Variants in AFF4 observed in about 807,000 individuals in gnomAD.
The protein encoded by AFF4 is AF4/FMR2 family member 4.
Under a neutral mutation model 124.8 loss-of-function variants are expected in AFF4, and 13 were observed. That is an observed-to-expected ratio of 0.10 (90% CI 0.07 to 0.17). The LOEUF (loss-of-function observed/expected upper bound fraction) is 0.17, where lower values mean the gene tolerates loss of function less well. Among genes scored for constraint, AFF4 ranks in the 10% least tolerant of loss-of-function variants. The pLI, the probability that AFF4 is intolerant of heterozygous loss-of-function variation, is 1.00. For synonymous variants in AFF4, 477 were observed against 496.1 expected (o/e 0.96, Z 0.51); for missense variants, 1,092 against 1,403.8 (o/e 0.78, Z 3.55).
chr5:132,891,234 A>G (rs1010124572), intron 13 of AFF4, among the ~76,000 whole-genome samples: 1 of 152,108 alleles, frequency 6.6e-6, no homozygotes, highest in Admixed American at 6.6e-5. Context: ...TTGTTCAGCT[A>G]GAGAAAAAGC....
intron 1 of AFF4, among the ~76,000 whole-genome samples, chr5:132,950,567 T>C (rs569537324): frequency 2.8e-4 from 43 of 152,104 alleles, no homozygotes; most frequent in African/African-American, 5.1e-4. Context: ...GACAATCGCT[T>C]GAACCCAGGA....
At chr5:132,934,088 A>T in intron 3 of AFF4, 59 bp downstream of exon 3, 2 of 1,517,006 alleles carry the variant, frequency 1.3e-6, no homozygotes, top group Non-Finnish European at 1.8e-6. Flanking sequence ...TCGTAATTTC[A>T]TGATCAGTCA....
chr5:132,933,019 C>T (rs1165918662), intron 3 of AFF4, among the ~76,000 whole-genome samples: 1 of 152,234 alleles, frequency 6.6e-6, no homozygotes, highest in Non-Finnish European at 1.5e-5. Context: ...ATTCTTCCTT[C>T]CACCATTTTG....
intron 4 of AFF4, among the ~76,000 whole-genome samples, chr5:132,928,829 A>G (rs2150094306): frequency 6.6e-6 from 1 of 152,292 alleles, no homozygotes; most frequent in Middle Eastern, 3.4e-3. Flanking sequence ...TTGATATATT[A>G]CTACTTGAAC....
intron 13 of AFF4, 117 bp downstream of exon 13, chr5:132,892,047 A>G: frequency 6.9e-7 from 1 of 1,446,264 alleles, no homozygotes; most frequent in Non-Finnish European, 9.6e-7. Flanking sequence ...AGGGTAAAAG[A>G]CATAGGCCTA....
chr5:132,933,958 C>T (rs907974722), intron 3 of AFF4, among the ~76,000 whole-genome samples, 189 bp downstream of exon 3: 9 of 152,146 alleles, frequency 5.9e-5, no homozygotes, highest in Non-Finnish European at 1.2e-4. Context: ...CCCAAGAGGA[C>T]GAGTTAACAG....
chr5:132,944,342 A>C (rs1257963857), intron 1 of AFF4, among the ~76,000 whole-genome samples: 4 of 151,562 alleles, frequency 2.6e-5, no homozygotes, highest in Non-Finnish European at 5.9e-5. Context: ...GTCTCCAAAA[A>C]AAAACAGAGG....
intron 13 of AFF4, among the ~76,000 whole-genome samples, chr5:132,890,596 T>C (rs187975323): frequency 7.2e-4 from 110 of 152,326 alleles, no homozygotes; most frequent in Middle Eastern, 6.8e-3. Flanking sequence ...GTTGATAGAA[T>C]AAAAAATAGC....
intron 1 of AFF4, among the ~76,000 whole-genome samples, chr5:132,959,757 CTTTTTTTTTTTTT>C (rs1163731664): frequency 8.4e-5 from 6 of 71,516 alleles, no homozygotes; most frequent in Admixed American, 4.2e-4. Flanking sequence ...GAGTGCTTTT[CTTTTTTTTTTTTT>C]TTTTTTTTTT....
chr5:132,954,079 C>T (rs1348322110), intron 1 of AFF4, among the ~76,000 whole-genome samples: 2 of 147,088 alleles, frequency 1.4e-5, no homozygotes, highest in African/African-American at 5.5e-5. Context: ...AGTTCTTGAA[C>T]ACAGTGTGCA....
intron 4 of AFF4, among the ~76,000 whole-genome samples, chr5:132,930,416 AG>A (rs1761272018): frequency 6.6e-6 from 1 of 152,218 alleles, no homozygotes; most frequent in Admixed American, 6.5e-5. Flanking sequence ...TGTTTGCAGA[AG>A]GAAAAAATAC....
At chr5:132,931,898 C>T (rs1340163041) in intron 4 of AFF4, among the ~76,000 whole-genome samples, 3 of 151,990 alleles carry the variant, frequency 2.0e-5, no homozygotes, top group South Asian at 2.1e-4. Context: ...GAGCCAAGAT[C>T]GCGCCACTGC....
At chr5:132,888,280 A>C in intron 14 of AFF4, 120 bp from the exon 15 acceptor site, 1 of 731,816 alleles carries the variant, frequency 1.4e-6, no homozygotes. Flanking sequence ...GCTGTTACTA[A>C]GAATTTGTTT....
At position 132,896,412 on chromosome 5, in the gene AFF4, C is replaced by T. The variant is rs1247657043; in HGVS notation, c.2218G>A (p.Glu740Lys). ...TGCTTTTCTGGCACATTTTTCTTTT[C>T]CCCCTTGGGCGGCTCTGTTTCTTTG... ...PYKETEPPKG[E>K]KKNVPEKHTR... is the part of the protein sequence containing the mutation. The change falls in exon 11 of 21, where the codon GAA becomes AAA. Residue 740 changes from glutamate (E) to lysine (K), a missense_variant. Transcript: ENST00000265343. 2 of 1,613,728 alleles carry T rather than the reference C, an allele frequency of 1.2e-6. No individual in the cohort carries two copies. The highest frequency in any genetic ancestry group is 1.7e-6 in the Non-Finnish European group (2 of 1,179,920).
At chr5:132,922,760 T>C (rs6873261) in intron 5 of AFF4, among the ~76,000 whole-genome samples, 79,456 of 138,432 alleles carry the variant, frequency 0.57, 23,242 homozygotes, top group African/African-American at 0.76. Context: ...AGTCTGGCGG[T>C]AGAGCGAGAC....
chr5:132,891,237 G>T (rs1019877161), intron 13 of AFF4, among the ~76,000 whole-genome samples: 9 of 151,980 alleles, frequency 5.9e-5, no homozygotes, highest in Non-Finnish European at 1.3e-4. Flanking sequence ...TTCAGCTAGA[G>T]AAAAAGCTTT....
At chr5:132,938,615 T>C (rs1581322758) in intron 1 of AFF4, among the ~76,000 whole-genome samples, 1 of 151,668 alleles carries the variant, frequency 6.6e-6, no homozygotes, top group South Asian at 2.1e-4. Flanking sequence ...CATTTAAAAT[T>C]AAAACCTCCT....
chr5:132,954,375 G>C (rs1344278102), intron 1 of AFF4, among the ~76,000 whole-genome samples: 1 of 152,138 alleles, frequency 6.6e-6, no homozygotes, highest in Non-Finnish European at 1.5e-5. Flanking sequence ...TGGCTCACTT[G>C]CTTACCTGCC....
At chr5:132,952,770 T>G (rs116880486) in intron 1 of AFF4, among the ~76,000 whole-genome samples, 1 of 152,076 alleles carries the variant, frequency 6.6e-6, no homozygotes, top group African/African-American at 2.4e-5. Flanking sequence ...TAGTGGTGCA[T>G]GCCTGTAATT....
Sources: allele counts gnomAD v4.1 joint callset (sites outside exome capture counted in the v4.1 genomes callset), GRCh38; gene constraint gnomAD v4.1.1; transcripts MANE v1.5; gene names NCBI Gene and HGNC (gene_info 2026-07-23, HGNC 2026-07-21).